Variants in TPRG1 observed in about 807,000 individuals in gnomAD.
TPRG1 encodes the protein tumor protein p63-regulated gene 1 protein.
In TPRG1, 29 loss-of-function variants were observed where a neutral mutation model predicts 29.3. That is an observed-to-expected ratio of 0.99 (90% CI 0.74 to 1.35). TPRG1 has a LOEUF of 1.35. Ranked by LOEUF, TPRG1 falls within the 40% of genes most tolerant of loss-of-function variation. The probability of loss-of-function intolerance (pLI) is 0.00; values close to 1 mark genes in which losing one functional copy is unlikely to be tolerated. For synonymous variants in TPRG1, 130 were observed against 116.8 expected (o/e 1.11, Z -0.73); for missense variants, 327 against 335.0 (o/e 0.98, Z 0.19).
intron 2 of TPRG1, chr3:189,212,290 G>A (rs903649772): frequency 1.3e-5 from 2 of 152,082 alleles, no homozygotes; most frequent in African/African-American, 4.8e-5. Flanking sequence ...TGTGAGCAAC[G>A]AGATTTTAAT....
chr3:189,014,651 G>A (rs1712826720), intron 3 of TPRG1, among the ~76,000 whole-genome samples: 1 of 152,134 alleles, frequency 6.6e-6, no homozygotes, highest in Admixed American at 6.6e-5. Flanking sequence ...TCATGATTGT[G>A]AGGGAGTTCT....
chr3:189,146,342 C>T (rs1364041908), intron 3 of TPRG1, among the ~76,000 whole-genome samples: 1 of 152,164 alleles, frequency 6.6e-6, no homozygotes, highest in East Asian at 1.9e-4. Context: ...CCGTAAGTCT[C>T]TCTGAGGGAT....
chr3:189,158,879 T>C (rs1405412788), intron 5 of TPRG1, among the ~76,000 whole-genome samples: 4 of 152,146 alleles, frequency 2.6e-5, no homozygotes, highest in African/African-American at 9.6e-5. Flanking sequence ...TCTGAAGCTG[T>C]CCTCAAAAGT....
chr3:189,229,432 T>C (rs539826487), intron 3 of TPRG1, among the ~76,000 whole-genome samples: 3 of 152,330 alleles, frequency 2.0e-5, no homozygotes, highest in African/African-American at 7.2e-5. Flanking sequence ...TTAGACAGCC[T>C]GTGACCCAAA....
intron 3 of TPRG1, among the ~76,000 whole-genome samples, chr3:189,023,564 G>T (rs1290685926): frequency 6.6e-6 from 1 of 152,194 alleles, no homozygotes; most frequent in Admixed American, 6.5e-5. Flanking sequence ...CAGTCATTTG[G>T]AGGAAAGGGG....
Position 189,271,678 on chromosome 3 carries a change from C to T in TPRG1, c.479+32769C>T, listed in dbSNP as rs773001757. ...GAGGAACTTCTAGAACTAGAAAAGACCTTAGAGAGTTTCTAAGACCCAAAG... is the reference window on the plus strand; with the variant it reads ...GAGGAACTTCTAGAACTAGAAAAGATCTTAGAGAGTTTCTAAGACCCAAAG... On this transcript the variant is annotated intron_variant, in intron 4 of 5. Coordinates refer to ENST00000345063, the MANE Select transcript of TPRG1 (RefSeq NM_198485.4). Among the ~76,000 whole-genome samples the T allele has an allele frequency of 5.7e-4, 87 of 152,196 alleles. 1 individual carries two copies. Among genetic ancestry groups the T allele is most frequent in the Admixed American group, 4.3e-3 (65 of 15,276 alleles).
intron 1 of TPRG1, among the ~76,000 whole-genome samples, chr3:189,180,610 G>C (rs545548202): frequency 1.3e-5 from 2 of 152,346 alleles, no homozygotes; most frequent in South Asian, 2.1e-4. Context: ...ACTGATGCAA[G>C]AGGTAGGTTC....
At chr3:189,256,798 G>A (rs1002982051) in intron 4 of TPRG1, among the ~76,000 whole-genome samples, 6 of 152,102 alleles carry the variant, frequency 3.9e-5, no homozygotes, top group Admixed American at 3.3e-4. Flanking sequence ...TTGGTTTAAA[G>A]TCTGTTTTAT....
chr3:189,110,173 G>A (rs780427886), intron 1 of TPRG1, among the ~76,000 whole-genome samples: 2 of 152,140 alleles, frequency 1.3e-5, no homozygotes, highest in Non-Finnish European at 1.5e-5. Context: ...GTTTAACTTG[G>A]TAAGATTCTG....
chr3:189,265,186 C>T lies in TPRG1; in HGVS notation c.479+26277C>T, dbSNP rs556826591. Among the ~76,000 whole-genome samples the T allele has an allele frequency of 1.1e-4, 16 of 152,216 alleles. 1 individual carries two copies. In the South Asian group the frequency reaches 1.7e-3, roughly 16 times the overall value. On this transcript the variant is annotated intron_variant, in intron 4 of 5. Coordinates refer to ENST00000345063, the MANE Select transcript of TPRG1 (RefSeq NM_198485.4). ...GAAGGCCATAATCTTTAACAGTGTT[C>T]GGAGTCACAGGATCTTAGTATGGTT... is the stretch of plus-strand genomic sequence containing the variant.
intron 5 of TPRG1, chr3:189,313,203 C>A (rs1722984355): frequency 6.6e-6 from 1 of 152,052 alleles, no homozygotes; most frequent in Non-Finnish European, 1.5e-5. Context: ...GTTTTTGTGT[C>A]TTATTTTCTC....
rs184128009 is a variant in TPRG1, at chr3:189,221,991, A to G, written c.302+6608A>G. 5.7e-3 allele frequency among the ~76,000 whole-genome samples: 859 copies of G among 151,078 alleles called. 8 individuals are homozygous for G. Among genetic ancestry groups the G allele is most frequent in the African/African-American group, 0.018 (753 of 41,158 alleles). On this transcript the variant is annotated intron_variant, in intron 3 of 5. Coordinates refer to ENST00000345063, the MANE Select transcript of TPRG1 (RefSeq NM_198485.4). ...TTGTGATTTTTTTTTTTCATCTCCC[A>G]ATACAGTGATCACTGCAGTTCAAAT...
At chr3:189,202,807 G>A (rs950156338) in intron 1 of TPRG1, among the ~76,000 whole-genome samples, 7 of 152,156 alleles carry the variant, frequency 4.6e-5, no homozygotes, top group African/African-American at 1.7e-4. Context: ...GGAAGCTGGG[G>A]ATTGGTCCTG....
At chr3:189,277,441 A>T (rs1576933858) in intron 4 of TPRG1, among the ~76,000 whole-genome samples, 1 of 152,344 alleles carries the variant, frequency 6.6e-6, no homozygotes, top group Non-Finnish European at 1.5e-5. Flanking sequence ...AAATGCAGTC[A>T]ATAAGATTAA....
intron 3 of TPRG1, among the ~76,000 whole-genome samples, chr3:189,147,081 G>C (rs1725360329): frequency 6.6e-6 from 1 of 152,198 alleles, no homozygotes; most frequent in African/African-American, 2.4e-5. Flanking sequence ...TAGATTCAGG[G>C]AGTGACACAG....
intron 1 of TPRG1, among the ~76,000 whole-genome samples, chr3:189,113,921 TAATAAAATAA>T (rs4011843): frequency 1.8e-3 from 265 of 150,418 alleles, no homozygotes; most frequent in Non-Finnish European, 2.9e-3. Context: ...AGTATAATAA[TAATAAAATAA>T]AATAAAATAA....
chr3:189,310,600 A>G (rs1317811528), intron 5 of TPRG1, 61 bp downstream of exon 5: 3 of 1,268,686 alleles, frequency 2.4e-6, no homozygotes, highest in South Asian at 2.9e-5. Flanking sequence ...ATGTGCTTCT[A>G]GGGACGTGTA....
intron 3 of TPRG1, 170 bp from the exon 4 acceptor site, chr3:189,238,563 C>T: frequency 2.2e-6 from 1 of 462,806 alleles, no homozygotes; most frequent in Non-Finnish European, 3.8e-6. Flanking sequence ...CTTCTTTAGT[C>T]ATGGGACCAG....
rs191259378 is a variant in TPRG1 at position 189,200,710 on chromosome 3, A to G, written c.-9-6666A>G. Among the ~76,000 whole-genome samples, 30 of 152,366 alleles carry G rather than the reference A, an allele frequency of 2.0e-4. No individual in the cohort carries two copies. In the East Asian group the frequency reaches 4.4e-3, roughly 23 times the overall value. The stretch of plus-strand genomic sequence containing the variant: ...GACAAGATTTTTTAATTCTGTGGTT[A>G]CCGTAATTTCATTCTTTATTTAACT... On this transcript the variant is annotated intron_variant, in intron 1 of 5. Transcript: ENST00000345063.
Sources: gnomAD v4.1 joint callset for allele counts (sites outside exome capture counted in the v4.1 genomes callset) on GRCh38, gnomAD v4.1.1 for gene constraint, MANE v1.5 for transcripts, NCBI Gene and HGNC (gene_info 2026-07-23, HGNC 2026-07-21) for gene names.